The following AP2B1 variants were observed in gnomAD, a reference collection of about 807,000 sequenced individuals.
AP2B1 encodes the protein AP-2 complex subunit beta.
A neutral mutation model predicts 102.0 loss-of-function variants in AP2B1; 23 were observed. The observed-to-expected ratio is 0.23, with a 90% CI of 0.16 to 0.32. The LOEUF is 0.32. Ranked by LOEUF, AP2B1 falls within the 10% of genes least tolerant of loss-of-function variation. The pLI is 1.00. For synonymous variants in AP2B1, 381 were observed against 421.2 expected (o/e 0.90, Z 1.17); for missense variants, 541 against 1,157.4 (o/e 0.47, Z 7.73).
intron 18 of AP2B1, among the ~76,000 whole-genome samples, chr17:35,693,046 ACT>A (rs1471997571): frequency 6.6e-6 from 1 of 151,622 alleles, no homozygotes; most frequent in African/African-American, 2.4e-5. Context: ...TTGGAGTCTC[ACT>A]CTGTTGTTGC....
intron 5 of AP2B1, among the ~76,000 whole-genome samples, chr17:35,619,528 A>G (rs1189303038): frequency 6.6e-6 from 1 of 152,104 alleles, no homozygotes; most frequent in East Asian, 1.9e-4. Flanking sequence ...TCCATAAGGA[A>G]ATATCATATT....
intron 18 of AP2B1, among the ~76,000 whole-genome samples, chr17:35,689,552 T>C (rs2076001476): frequency 6.6e-6 from 1 of 152,210 alleles, no homozygotes. Context: ...AATTCCTTAA[T>C]ATCACATATC....
rs1290067208 is a variant in AP2B1 at position 35,723,750 on chromosome 17, A to G, written c.*51A>G. 3 of 1,316,002 alleles carry G rather than the reference A, an allele frequency of 2.3e-6. No individual in the cohort carries two copies. Among genetic ancestry groups the G allele is most frequent in the Non-Finnish European group, 3.3e-6 (3 of 910,820 alleles). The allele number at this position is 1,316,002 out of a possible 1,614,324, so 81.5% of individuals were successfully genotyped here. ...CATGCTGTGATCGGTGCAAGTCAAG[A>G]ACTCTTAACTGGAAGAAATTGTATT... On this transcript the variant is annotated 3_prime_UTR_variant, in exon 22 of 22. Transcript: ENST00000610402.
At chr17:35,624,308 C>G (rs574835176) in intron 5 of AP2B1, 89 bp from the exon 6 acceptor site, 1 of 1,202,260 alleles carries the variant, frequency 8.3e-7, no homozygotes, top group African/African-American at 1.5e-5. Flanking sequence ...AATTGAGATC[C>G]GTGAAATGAC....
intron 14 of AP2B1, chr17:35,659,762 AG>A: frequency 1.0e-6 from 1 of 980,224 alleles, no homozygotes; most frequent in Non-Finnish European, 1.2e-6. Flanking sequence ...TTGGTGTTAC[AG>A]CCCCAGAAAT....
At chr17:35,600,536 A>C (rs2073443158) in intron 3 of AP2B1, among the ~76,000 whole-genome samples, 1 of 152,200 alleles carries the variant, frequency 6.6e-6, no homozygotes, top group Non-Finnish European at 1.5e-5. Context: ...CTTATATTTC[A>C]AAACAACATT....
At chr17:35,619,390 A>G (rs1176792647) in intron 5 of AP2B1, among the ~76,000 whole-genome samples, 2 of 152,052 alleles carry the variant, frequency 1.3e-5, no homozygotes, top group Non-Finnish European at 2.9e-5. Flanking sequence ...CACCTGTAAT[A>G]TTAGCACTTT....
intron 20 of AP2B1, among the ~76,000 whole-genome samples, chr17:35,715,967 G>A (rs1318532775): frequency 1.3e-5 from 2 of 152,250 alleles, no homozygotes; most frequent in Middle Eastern, 3.4e-3. Flanking sequence ...ACTAGTTCAC[G>A]TCTATGTCTA....
intron 13 of AP2B1, among the ~76,000 whole-genome samples, chr17:35,655,634 A>G (rs755148454): frequency 9.9e-5 from 15 of 152,172 alleles, no homozygotes; most frequent in Non-Finnish European, 2.2e-4. Context: ...AGACTTATGT[A>G]TATATTTCTC....
At chr17:35,709,033 C>T (rs2076397579) in intron 18 of AP2B1, among the ~76,000 whole-genome samples, 191 bp from the exon 19 acceptor site, 2 of 152,138 alleles carry the variant, frequency 1.3e-5, no homozygotes, top group South Asian at 4.1e-4. Flanking sequence ...CAGGTTGTCA[C>T]AGTTCTATGA....
chr17:35,662,675 C>G (rs9892539), intron 14 of AP2B1, among the ~76,000 whole-genome samples: 19,639 of 151,790 alleles, frequency 0.13, 1,327 homozygotes, highest in Middle Eastern at 0.16. Context: ...ATAACTCTTG[C>G]ATATGTGTTA....
In AP2B1 at chr17:35,725,380, C is replaced by T. The variant is rs1440028904; in HGVS notation, c.*1681C>T. 1 of 152,222 alleles carries T rather than the reference C, an allele frequency of 6.6e-6. No homozygotes were observed. The highest frequency in any genetic ancestry group is 2.4e-5 in the African/African-American group (1 of 41,430). 9.4% of individuals were successfully genotyped at this position (152,222 alleles called of 1,614,324 possible). A position where few individuals can be genotyped will look rare whatever the true frequency, so the allele number is the denominator to read the frequency against. ...CGTCATGTTGGACTGAGACCTAACT[C>T]ACTGGACTCAGAGGAGGAATCGTGG... On this transcript the variant is annotated 3_prime_UTR_variant, in exon 22 of 22. Coordinates refer to ENST00000610402, the MANE Select transcript of AP2B1 (RefSeq NM_001030006.2).
chr17:35,624,693 G>C (rs2074269942), intron 6 of AP2B1, 106 bp downstream of exon 6: 1 of 999,826 alleles, frequency 1.0e-6, no homozygotes, highest in Non-Finnish European at 1.4e-6. Flanking sequence ...GGCTTCTGGG[G>C]TAGATATTGC....
At chr17:35,614,772 G>A (rs2073967244) in intron 5 of AP2B1, among the ~76,000 whole-genome samples, 1 of 151,036 alleles carries the variant, frequency 6.6e-6, no homozygotes, top group African/African-American at 2.4e-5. Flanking sequence ...AAAAGTTGTA[G>A]TTAAACTTCC....
At chr17:35,621,745 A>G (rs1480495466) in intron 5 of AP2B1, among the ~76,000 whole-genome samples, 1 of 152,186 alleles carries the variant, frequency 6.6e-6, no homozygotes, top group Admixed American at 6.5e-5. Flanking sequence ...GAGGATTTCT[A>G]ATTGCTCATT....
intron 15 of AP2B1, 141 bp from the exon 16 acceptor site, chr17:35,671,613 A>G (rs897001324): frequency 2.4e-6 from 2 of 818,582 alleles, no homozygotes; most frequent in African/African-American, 3.4e-5. Context: ...TGAAGAATAT[A>G]CTAATTTGAC....
intron 18 of AP2B1, among the ~76,000 whole-genome samples, chr17:35,683,170 G>A (rs959593961): frequency 2.0e-5 from 3 of 152,116 alleles, no homozygotes; most frequent in African/African-American, 2.4e-5. Context: ...GAGCCACCGC[G>A]CCTCGCCCAA....
chr17:35,641,121 A>C (rs2074767921), intron 11 of AP2B1, among the ~76,000 whole-genome samples: 1 of 152,236 alleles, frequency 6.6e-6, no homozygotes, highest in African/African-American at 2.4e-5. Context: ...CCAACTCCTA[A>C]TAGGCTGTAA....
At chr17:35,628,062 C>T (rs1412390697) in intron 9 of AP2B1, among the ~76,000 whole-genome samples, 3 of 152,130 alleles carry the variant, frequency 2.0e-5, no homozygotes, top group Admixed American at 2.0e-4. Context: ...CTGTACTGAA[C>T]ATGTACAGAC....
Sources: allele counts gnomAD v4.1 joint callset (sites outside exome capture counted in the v4.1 genomes callset), GRCh38; gene constraint gnomAD v4.1.1; transcripts MANE v1.5; gene names NCBI Gene and HGNC (gene_info 2026-07-23, HGNC 2026-07-21).